SUSD6: variants seen among roughly 807,000 people sequenced by gnomAD.
SUSD6 encodes the protein sushi domain containing 6.
Under a neutral mutation model 28.4 loss-of-function variants are expected in SUSD6, and 16 were observed. The observed-to-expected ratio is 0.56, with a 90% CI of 0.38 to 0.86. SUSD6 has a LOEUF of 0.86. Among genes scored for constraint, SUSD6 ranks in the 40% least tolerant of loss-of-function variants. The probability of loss-of-function intolerance (pLI) is 0.00; values close to 1 mark genes in which losing one functional copy is unlikely to be tolerated. For missense variants in SUSD6, 341 were observed against 384.2 expected (o/e 0.89, Z 0.94); for synonymous variants, 147 against 159.6 (o/e 0.92, Z 0.59).
intron 5 of SUSD6, among the ~76,000 whole-genome samples, chr14:69,709,940 C>T (rs1042845755): frequency 1.3e-5 from 2 of 152,196 alleles, no homozygotes; most frequent in Non-Finnish European, 2.9e-5. Flanking sequence ...TTAGAGGAAA[C>T]TTTATGCTTC....
At chr14:69,614,455 C>T (rs1047374216) in intron 1 of SUSD6, among the ~76,000 whole-genome samples, 8 of 152,174 alleles carry the variant, frequency 5.3e-5, no homozygotes, top group African/African-American at 1.7e-4. Context: ...CTGCAGCAGC[C>T]TTCCCTCTAC....
At chr14:69,701,207 C>CTT (rs763198327) in intron 2 of SUSD6, among the ~76,000 whole-genome samples, 35 of 144,622 alleles carry the variant, frequency 2.4e-4, no homozygotes, top group African/African-American at 7.8e-4. Context: ...GCAGTCCTCA[C>CTT]TTTTTTTTTT....
At chr14:69,691,594 G>A (rs1309047869) in intron 2 of SUSD6, among the ~76,000 whole-genome samples, 2 of 152,232 alleles carry the variant, frequency 1.3e-5, no homozygotes, top group South Asian at 2.1e-4. Flanking sequence ...TTGGGAGTAT[G>A]TGGCAGAGGC....
At chr14:69,635,466 G>C (rs11158811) in intron 1 of SUSD6, among the ~76,000 whole-genome samples, 151,356 of 152,350 alleles carry the variant, frequency 0.99, 75,187 homozygotes, top group Middle Eastern at 1. Flanking sequence ...AACAAGTTCT[G>C]TCAAACAGTG....
In SUSD6 at chr14:69,611,749, C is replaced by T. The variant is rs1436121364; in HGVS notation, c.-160C>T. 2 of 151,452 alleles carry T rather than the reference C, an allele frequency of 1.3e-5. No homozygotes were observed. The highest frequency in any genetic ancestry group is 2.4e-5 in the African/African-American group (1 of 41,376). The allele number at this position is 151,452 out of a possible 1,614,324, so 9.4% of individuals were successfully genotyped here. ...GGGCACGCGGGGCCTCGCCTAGACC[C>T]GAGAAGACTGCGGGCGCGCGCAAGC... On this transcript the variant is annotated 5_prime_UTR_variant, in exon 1 of 6. Transcript: ENST00000342745.
At chr14:69,636,126 C>G (rs1885262156) in intron 1 of SUSD6, among the ~76,000 whole-genome samples, 1 of 152,184 alleles carries the variant, frequency 6.6e-6, no homozygotes, top group South Asian at 2.1e-4. Context: ...AATAACTGTG[C>G]CTTCTATTTA....
At position 69,658,609 on chromosome 14, in the gene SUSD6, T is replaced by C. The variant is rs1566597142; in HGVS notation, c.17T>C (p.Ile6Thr). 6.2e-7 allele frequency: 1 copy of C among 1,614,182 alleles called. No homozygotes were observed. Among genetic ancestry groups the C allele is most frequent in the Non-Finnish European group, 8.5e-7 (1 of 1,180,000 alleles). The change falls in exon 2 of 6, where the codon ATA becomes ACA. Residue 6 changes from isoleucine (I) to threonine (T), a missense_variant. Physicochemically the swap from Ile to Thr is moderately conservative, Grantham distance 89. Coordinates refer to ENST00000342745, the MANE Select transcript of SUSD6 (RefSeq NM_014734.4). MCHGR[I>T]APKSTSVFAV... ...GGATAAAAGATGTGCCATGGCAGGA[T>C]AGCACCAAAGAGCACCTCAGTGTTT... is the stretch of plus-strand genomic sequence containing the variant.
intron 1 of SUSD6, among the ~76,000 whole-genome samples, 154 bp from the exon 2 acceptor site, chr14:69,658,359 A>G (rs533363859): frequency 6.6e-6 from 1 of 152,132 alleles, no homozygotes. Flanking sequence ...TTGAAAAGCC[A>G]CTTCTGTGCT....
chr14:69,694,496 T>G (rs934268150), intron 2 of SUSD6, among the ~76,000 whole-genome samples: 1 of 152,210 alleles, frequency 6.6e-6, no homozygotes, highest in Non-Finnish European at 1.5e-5. Context: ...ATTGTTTCTC[T>G]CTGGCCATGC....
At chr14:69,654,722 G>A (rs971501146) in intron 1 of SUSD6, among the ~76,000 whole-genome samples, 3 of 150,252 alleles carry the variant, frequency 2.0e-5, no homozygotes, top group East Asian at 1.9e-4. Context: ...CTCCTTCCCC[G>A]TTAACCACTC....
At chr14:69,639,956 G>GGT (rs1194058079) in intron 1 of SUSD6, among the ~76,000 whole-genome samples, 1 of 81,640 alleles carries the variant, frequency 1.2e-5, no homozygotes, top group Non-Finnish European at 2.2e-5. Flanking sequence ...CACCTACACT[G>GGT]TTTTTTTTTT....
chr14:69,636,797 G>T (rs1385541234), intron 1 of SUSD6, among the ~76,000 whole-genome samples: 1 of 152,186 alleles, frequency 6.6e-6, no homozygotes, highest in African/African-American at 2.4e-5. Flanking sequence ...ACAGTTCTGG[G>T]CCTGGCTCTG....
intron 1 of SUSD6, among the ~76,000 whole-genome samples, chr14:69,619,501 C>A (rs955957654): frequency 6.6e-6 from 1 of 151,974 alleles, no homozygotes; most frequent in African/African-American, 2.4e-5. Context: ...TGGCTCACAC[C>A]TGTAATCCCA....
At position 69,712,973 on chromosome 14, in the gene SUSD6, C is replaced by G. The variant is rs1404828024; in HGVS notation, c.*1994C>G. On this transcript the variant is annotated 3_prime_UTR_variant, in exon 6 of 6. Coordinates refer to ENST00000342745, the MANE Select transcript of SUSD6 (RefSeq NM_014734.4). ...ATGGCCCCAGTCGCCTTACCTCACCCACAGCAGTGCCCTTGTCTTCCTCCA... is the reference window on the plus strand; with the variant it reads ...ATGGCCCCAGTCGCCTTACCTCACCGACAGCAGTGCCCTTGTCTTCCTCCA... 6.6e-6 allele frequency: 1 copy of G among 152,360 alleles called. No individual in the cohort carries two copies. The highest frequency in any genetic ancestry group is 6.5e-5 in the Admixed American group (1 of 15,288). 9.4% of individuals were successfully genotyped at this position (152,360 alleles called of 1,614,324 possible).
At chr14:69,620,322 C>T (rs924227461) in intron 1 of SUSD6, among the ~76,000 whole-genome samples, 3 of 152,054 alleles carry the variant, frequency 2.0e-5, no homozygotes, top group Admixed American at 6.5e-5. Context: ...ATTTGTGAGC[C>T]GATAATCTGG....
chr14:69,623,868 G>T (rs1027608512), intron 1 of SUSD6, among the ~76,000 whole-genome samples: 1 of 152,066 alleles, frequency 6.6e-6, no homozygotes, highest in Non-Finnish European at 1.5e-5. Context: ...TCTTAACCTA[G>T]GTGTTATTAC....
intron 4 of SUSD6, among the ~76,000 whole-genome samples, chr14:69,706,778 C>T (rs1886393262): frequency 6.6e-6 from 1 of 152,164 alleles, no homozygotes; most frequent in Non-Finnish European, 1.5e-5. Context: ...TCTCTCCTCT[C>T]AGAGTGTATG....
chr14:69,614,579 A>G (rs757021009), intron 1 of SUSD6, among the ~76,000 whole-genome samples: 1 of 152,060 alleles, frequency 6.6e-6, no homozygotes, highest in Non-Finnish European at 1.5e-5. Context: ...ACACTTGTCC[A>G]TTTCCCACAT....
chr14:69,644,730 T>G (rs1885402736), intron 1 of SUSD6, among the ~76,000 whole-genome samples: 1 of 152,234 alleles, frequency 6.6e-6, no homozygotes, highest in South Asian at 2.1e-4. Context: ...TGCCTTTGTC[T>G]GAACTTTGCC....
Sources: gnomAD v4.1 joint callset for allele counts (sites outside exome capture counted in the v4.1 genomes callset) on GRCh38, gnomAD v4.1.1 for gene constraint, MANE v1.5 for transcripts, NCBI Gene and HGNC (gene_info 2026-07-23, HGNC 2026-07-21) for gene names.